NAALADL2: variants seen among roughly 807,000 people sequenced by gnomAD.
NAALADL2 encodes the protein N-acetylated alpha-linked acidic dipeptidase like 2.
A neutral mutation model predicts 87.2 loss-of-function variants in NAALADL2; 76 were observed. The observed-to-expected ratio is 0.87, with a 90% CI of 0.72 to 1.05. The LOEUF (loss-of-function observed/expected upper bound fraction) is 1.05. NAALADL2 is among the 50% of genes least tolerant of loss of function. The probability of loss-of-function intolerance (pLI) is 0.00; values close to 1 mark genes in which losing one functional copy is unlikely to be tolerated. For missense variants in NAALADL2, 1,089 were observed against 945.8 expected (o/e 1.15, Z -1.99); for synonymous variants, 354 against 331.0 (o/e 1.07, Z -0.75).
At chr3:174,583,420 G>T (rs1259815484) in intron 2 of NAALADL2, among the ~76,000 whole-genome samples, 1 of 152,176 alleles carries the variant, frequency 6.6e-6, no homozygotes, top group Non-Finnish European at 1.5e-5. Context: ...AACCCAAAAA[G>T]TAACATGGGA....
At chr3:175,021,415 A>T (rs1049038249) in intron 1 of NAALADL2, among the ~76,000 whole-genome samples, 1 of 152,076 alleles carries the variant, frequency 6.6e-6, no homozygotes, top group Non-Finnish European at 1.5e-5. Flanking sequence ...TCCCTCTGGG[A>T]TATGAAGGTA....
chr3:174,615,027 A>T (rs1202388443), intron 2 of NAALADL2, among the ~76,000 whole-genome samples: 1 of 152,192 alleles, frequency 6.6e-6, no homozygotes, highest in Admixed American at 6.5e-5. Context: ...GTAACAGTGC[A>T]TTTACCTCAC....
At chr3:175,529,048 G>A (rs1733772024) in intron 9 of NAALADL2, among the ~76,000 whole-genome samples, 1 of 152,136 alleles carries the variant, frequency 6.6e-6, no homozygotes, top group African/African-American at 2.4e-5. Flanking sequence ...TGAAGGGTCT[G>A]GGCCATTTGT....
At chr3:175,508,512 C>T (rs1435268555) in intron 9 of NAALADL2, among the ~76,000 whole-genome samples, 1 of 152,146 alleles carries the variant, frequency 6.6e-6, no homozygotes, top group African/African-American at 2.4e-5. Flanking sequence ...TACCTATTAT[C>T]TCATTAACTT....
intron 1 of NAALADL2, among the ~76,000 whole-genome samples, chr3:174,995,479 A>G (rs999069835): frequency 2.0e-5 from 3 of 152,208 alleles, no homozygotes; most frequent in African/African-American, 4.8e-5. Flanking sequence ...CAAGCATATC[A>G]TTCACTTAGG....
chr3:174,591,003 C>G (rs2108585499), intron 2 of NAALADL2, among the ~76,000 whole-genome samples: 1 of 152,190 alleles, frequency 6.6e-6, no homozygotes, highest in South Asian at 2.1e-4. Flanking sequence ...ATAATACAAC[C>G]ACAGCAACAG....
chr3:175,343,683 C>A (rs1681313827), intron 5 of NAALADL2, among the ~76,000 whole-genome samples: 1 of 62,864 alleles, frequency 1.6e-5, no homozygotes, highest in Non-Finnish European at 3.7e-5. Flanking sequence ...TTTTCCCTTC[C>A]CACTGATCAA....
intron 1 of NAALADL2, among the ~76,000 whole-genome samples, chr3:174,465,237 G>GA (rs1182625863): frequency 1.3e-5 from 2 of 151,898 alleles, no homozygotes; most frequent in African/African-American, 4.8e-5. Context: ...AATTGGTATT[G>GA]AAAAAAGGTA....
intron 2 of NAALADL2, among the ~76,000 whole-genome samples, chr3:175,129,332 T>C (rs1727444907): frequency 6.6e-6 from 1 of 152,164 alleles, no homozygotes. Context: ...ATCTGCTTTC[T>C]TGTAAAATTT....
chr3:175,281,926 T>C (rs1322779665), intron 4 of NAALADL2, among the ~76,000 whole-genome samples: 1 of 151,998 alleles, frequency 6.6e-6, no homozygotes, highest in African/African-American at 2.4e-5. Context: ...CTATTTAAGC[T>C]GACTTGGATC....
At chr3:174,600,975 A>C (rs1382555135) in intron 2 of NAALADL2, among the ~76,000 whole-genome samples, 1 of 152,176 alleles carries the variant, frequency 6.6e-6, no homozygotes, top group Non-Finnish European at 1.5e-5. Context: ...TATGGGTTAC[A>C]TGACATATTT....
intron 2 of NAALADL2, among the ~76,000 whole-genome samples, chr3:174,619,555 G>C (rs1720802732): frequency 6.6e-6 from 1 of 152,048 alleles, no homozygotes; most frequent in South Asian, 2.1e-4. Context: ...AATAAGAGTT[G>C]CTTTTGGTCT....
chr3:174,712,073 C>T (rs892074444), intron 2 of NAALADL2, among the ~76,000 whole-genome samples: 1 of 151,904 alleles, frequency 6.6e-6, no homozygotes, highest in Non-Finnish European at 1.5e-5. Flanking sequence ...AGGAGTGGGC[C>T]ACCGCGCCCT....
intron 9 of NAALADL2, among the ~76,000 whole-genome samples, chr3:175,516,463 C>T (rs1731848246): frequency 6.6e-6 from 1 of 152,104 alleles, no homozygotes; most frequent in African/African-American, 2.4e-5. Flanking sequence ...CAGTGTGATC[C>T]AAATGTGCAC....
At chr3:174,977,077 A>T (rs1490530124) in intron 1 of NAALADL2, among the ~76,000 whole-genome samples, 1 of 152,184 alleles carries the variant, frequency 6.6e-6, no homozygotes, top group African/African-American at 2.4e-5. Flanking sequence ...TCTAAGGCCA[A>T]ATAGGATGTA....
At chr3:175,118,699 G>A (rs1457556644) in intron 2 of NAALADL2, among the ~76,000 whole-genome samples, 1 of 151,664 alleles carries the variant, frequency 6.6e-6, no homozygotes, top group Non-Finnish European at 1.5e-5. Context: ...ATAGAGTTCT[G>A]GATCAGTAAG....
At chr3:175,374,899 A>AATAT (rs1175966348) in intron 5 of NAALADL2, among the ~76,000 whole-genome samples, 1 of 151,696 alleles carries the variant, frequency 6.6e-6, no homozygotes, top group Non-Finnish European at 1.5e-5. Flanking sequence ...TAAATAAATA[A>AATAT]ATAAATAAAT....
intron 2 of NAALADL2, among the ~76,000 whole-genome samples, chr3:174,562,281 G>A (rs765072041): frequency 6.6e-6 from 1 of 152,128 alleles, no homozygotes; most frequent in Non-Finnish European, 1.5e-5. Context: ...ATTCATACAA[G>A]TTTGATGCTT....
intron 2 of NAALADL2, among the ~76,000 whole-genome samples, chr3:175,170,940 G>T (rs1421783495): frequency 6.6e-6 from 1 of 151,790 alleles, no homozygotes; most frequent in Non-Finnish European, 1.5e-5. Context: ...GCTAGTATTG[G>T]CTGCCATCAG....
Sources: gnomAD v4.1 joint callset for allele counts (sites outside exome capture counted in the v4.1 genomes callset) on GRCh38, gnomAD v4.1.1 for gene constraint, MANE v1.5 for transcripts, NCBI Gene and HGNC (gene_info 2026-07-23, HGNC 2026-07-21) for gene names.